Variants in DNAH11 observed in about 807,000 individuals in gnomAD.
DNAH11 encodes axonemal beta dynein heavy chain 11.
DNAH11 carries 442 observed loss-of-function variants against 526.0 expected under a neutral mutation model. That is an observed-to-expected ratio of 0.84 (90% confidence interval 0.78 to 0.91). The LOEUF (loss-of-function observed/expected upper bound fraction) is 0.91, where lower values mean the gene tolerates loss of function less well. Among genes scored for constraint, DNAH11 ranks in the 40% least tolerant of loss-of-function variants. The pLI is 0.00. For synonymous variants in DNAH11, 2,461 were observed against 1,935.9 expected, an observed-to-expected ratio of 1.27 and a Z score of -7.12; for missense variants, 6,989 against 5,448.7, an observed-to-expected ratio of 1.28 and a Z score of -8.90.
intron 34 of DNAH11, among the ~76,000 whole-genome samples, chr7:21,689,112 T>A (rs909104466): frequency 3.9e-5 from 6 of 152,202 alleles, no homozygotes; most frequent in African/African-American, 1.4e-4. Flanking sequence ...TGGGTCCCAG[T>A]TTTTTGTGTT....
chr7:21,814,171 G>T (rs939409416), intron 63 of DNAH11, among the ~76,000 whole-genome samples: 1 of 152,008 alleles, frequency 6.6e-6, no homozygotes, highest in African/African-American at 2.4e-5. Flanking sequence ...TAGCATAAAA[G>T]ACTAAAATTG....
At chr7:21,714,385 C>A (rs548529686) in intron 42 of DNAH11, among the ~76,000 whole-genome samples, 1 of 152,174 alleles carries the variant, frequency 6.6e-6, no homozygotes, top group South Asian at 2.1e-4. Context: ...CTCTAGAAGG[C>A]GTTTTTGTAT....
intron 31 of DNAH11, among the ~76,000 whole-genome samples, chr7:21,682,782 A>G (rs1783199468): frequency 1.3e-5 from 2 of 152,092 alleles, no homozygotes; most frequent in Non-Finnish European, 2.9e-5. Context: ...TATTAAAAGC[A>G]AAGTGAATTT....
chr7:21,587,135 A>G (rs1463642499), intron 9 of DNAH11, among the ~76,000 whole-genome samples: 2 of 152,234 alleles, frequency 1.3e-5, no homozygotes, highest in Admixed American at 6.5e-5. Flanking sequence ...GGAAAGAGCT[A>G]TTTTATGCTA....
At chr7:21,769,687 G>T (rs1787340558) in intron 55 of DNAH11, among the ~76,000 whole-genome samples, 1 of 151,980 alleles carries the variant, frequency 6.6e-6, no homozygotes, top group Non-Finnish European at 1.5e-5. Context: ...GTTTCACCAT[G>T]TTGCCCAGGC....
intron 20 of DNAH11, among the ~76,000 whole-genome samples, chr7:21,614,730 C>A (rs968476959): frequency 2.6e-5 from 4 of 152,068 alleles, no homozygotes; most frequent in Non-Finnish European, 5.9e-5. Flanking sequence ...TAAACTAAGT[C>A]ATTACTTAAA....
At chr7:21,683,405 G>T (rs554120887) in intron 31 of DNAH11, among the ~76,000 whole-genome samples, 1 of 152,300 alleles carries the variant, frequency 6.6e-6, no homozygotes, top group South Asian at 2.1e-4. Context: ...GTTTATTTAT[G>T]CCTCTGCGAT....
chr7:21,665,094 TCTCTCA>T (rs1304784261), intron 30 of DNAH11, among the ~76,000 whole-genome samples: 1 of 151,514 alleles, frequency 6.6e-6, no homozygotes, highest in Non-Finnish European at 1.5e-5. Flanking sequence ...TCTCTCTCTC[TCTCTCA>T]CTCTCTCTTC....
chr7:21,846,711 A>G (rs1394152781), intron 66 of DNAH11, among the ~76,000 whole-genome samples: 3 of 152,064 alleles, frequency 2.0e-5, no homozygotes, highest in Non-Finnish European at 4.4e-5. Context: ...GTCTTAGGGT[A>G]ATGCTTGCCC....
At chr7:21,587,803 T>C (rs1339662662) in intron 9 of DNAH11, among the ~76,000 whole-genome samples, 3 of 152,164 alleles carry the variant, frequency 2.0e-5, no homozygotes, top group Non-Finnish European at 4.4e-5. Context: ...GGAAATAATA[T>C]TAGCTGTGAA....
intron 64 of DNAH11, among the ~76,000 whole-genome samples, chr7:21,817,358 A>T (rs972896903): frequency 1.3e-5 from 2 of 151,994 alleles, no homozygotes; most frequent in Non-Finnish European, 2.9e-5. Flanking sequence ...GTAGAGTGAA[A>T]TAAGAAATTT....
Position 21,901,443 on chromosome 7 carries a change from C to A in DNAH11, c.*189C>A. ...ACTAACTCAGGGCTGAGCGTGGTGGCACACGACTGTAATCCCAGTTACTCA... is the reference window on the plus strand; with the variant it reads ...ACTAACTCAGGGCTGAGCGTGGTGGAACACGACTGTAATCCCAGTTACTCA... On this transcript the variant is annotated 3_prime_UTR_variant, in exon 82 of 82. Transcript: ENST00000409508. 2 of 707,410 alleles carry A rather than the reference C, an allele frequency of 2.8e-6. No individual in the cohort carries two copies. The highest frequency in any genetic ancestry group is 4.3e-5 in the South Asian group (1 of 23,250). The allele number at this position is 707,410 out of a possible 1,614,324, so 43.8% of individuals were successfully genotyped here.
intron 28 of DNAH11, among the ~76,000 whole-genome samples, chr7:21,645,229 G>A (rs1437209621): frequency 1.3e-5 from 2 of 152,208 alleles, no homozygotes; most frequent in Non-Finnish European, 2.9e-5. Context: ...GCCTTGCTTT[G>A]ATGTCACTTG....
At chr7:21,808,730 CT>C in intron 63 of DNAH11, among the ~76,000 whole-genome samples, 1 of 152,308 alleles carries the variant, frequency 6.6e-6, no homozygotes, top group Admixed American at 6.5e-5. Context: ...GTTTTTATGG[CT>C]GAATAGTATT....
At chr7:21,898,857 G>A (rs747391492) in intron 79 of DNAH11, among the ~76,000 whole-genome samples, 3 of 152,056 alleles carry the variant, frequency 2.0e-5, no homozygotes, top group South Asian at 2.1e-4. Context: ...TTAGACTGCC[G>A]TCACGTGCTC....
intron 8 of DNAH11, among the ~76,000 whole-genome samples, chr7:21,576,883 AAG>A (rs1311147212): frequency 2.0e-5 from 3 of 152,234 alleles, no homozygotes; most frequent in South Asian, 2.1e-4. Context: ...GGCAGGCAGA[AAG>A]AGAAATGTGT....
At chr7:21,810,658 C>T (rs1021929795) in intron 63 of DNAH11, among the ~76,000 whole-genome samples, 1 of 151,948 alleles carries the variant, frequency 6.6e-6, no homozygotes, top group African/African-American at 2.4e-5. Context: ...TTTATAATCA[C>T]AGTAATAAAG....
intron 45 of DNAH11, among the ~76,000 whole-genome samples, chr7:21,728,774 A>G (rs1054711357): frequency 6.6e-6 from 1 of 152,216 alleles, no homozygotes; most frequent in Non-Finnish European, 1.5e-5. Context: ...CATAGGATAG[A>G]CCTTTCTATT....
In DNAH11 at chr7:21,867,988, T is replaced by A. The variant is rs752798240; in HGVS notation, c.11820T>A (p.Leu3940=). ...TCCTGTCTCCGGGGGTAGATGCCCT[T>A]AAAGACCTGGAGATTCTTGGTGAGT... The part of the protein sequence containing the change: ...FFILSPGVDA[L]KDLEILGKRL... Residue 3940 remains leucine, a synonymous_variant, in exon 72 of 82, where the codon CTT becomes CTA. Coordinates refer to ENST00000409508, the MANE Select transcript of DNAH11 (RefSeq NM_001277115.2). 6 of 1,552,194 alleles carry A rather than the reference T, an allele frequency of 3.9e-6. No homozygotes were observed. Among genetic ancestry groups the A allele is most frequent in the Non-Finnish European group, 8.7e-7 (1 of 1,146,928 alleles).
Sources: allele counts gnomAD v4.1 joint callset (sites outside exome capture counted in the v4.1 genomes callset), GRCh38; gene constraint gnomAD v4.1.1; transcripts MANE v1.5; gene names NCBI Gene and HGNC (gene_info 2026-07-23, HGNC 2026-07-21).